CNTNAP2: variants seen among roughly 807,000 people sequenced by gnomAD.
CNTNAP2 encodes contactin-associated protein-like 2.
A neutral mutation model predicts 155.2 loss-of-function variants in CNTNAP2; 98 were observed. The observed-to-expected ratio is 0.63, with a 90% CI of 0.54 to 0.75. The LOEUF (loss-of-function observed/expected upper bound fraction) is 0.75, where lower values mean the gene tolerates loss of function less well. Ranked by LOEUF, CNTNAP2 falls within the 30% of genes least tolerant of loss-of-function variation. CNTNAP2 has a pLI of 0.00. For synonymous variants in CNTNAP2, 651 were observed against 631.2 expected (o/e 1.03, Z -0.47); for missense variants, 1,727 against 1,688.1 (o/e 1.02, Z -0.40).
chr7:147,841,611 C>T (rs1042374813), intron 13 of CNTNAP2, among the ~76,000 whole-genome samples: 1 of 152,164 alleles, frequency 6.6e-6, no homozygotes, highest in Non-Finnish European at 1.5e-5. Flanking sequence ...TCATGAGGAA[C>T]ACAGGATATT....
intron 1 of CNTNAP2, among the ~76,000 whole-genome samples, chr7:146,203,868 T>C (rs1385040709): frequency 6.6e-6 from 1 of 152,114 alleles, no homozygotes; most frequent in East Asian, 1.9e-4. Flanking sequence ...AATATATATA[T>C]AATATCACAC....
Position 148,062,044 on chromosome 7 carries a change from T to A in CNTNAP2, c.2384-56074T>A, listed in dbSNP as rs1402418950. On this transcript the variant is annotated intron_variant, in intron 15 of 23. Coordinates refer to ENST00000361727, the MANE Select transcript of CNTNAP2 (RefSeq NM_014141.6). ...GAGAGAGAGAGTGTGTGTGTGTGTG[T>A]GTGTGTGTGTGTGTGTGTGTGTGTG... 5.8e-3 allele frequency among the ~76,000 whole-genome samples: 857 copies of A among 148,554 alleles called. 25 individuals are homozygous for A. Among genetic ancestry groups the A allele is most frequent in the African/African-American group, 0.02 (777 of 39,778 alleles).
intron 11 of CNTNAP2, among the ~76,000 whole-genome samples, chr7:147,505,896 A>C (rs1178401844): frequency 1.3e-5 from 2 of 151,986 alleles, no homozygotes; most frequent in Non-Finnish European, 2.9e-5. Flanking sequence ...TCAGAGTCAA[A>C]TGGGTTTGGA....
chr7:147,348,686 C>A (rs1409607806), intron 9 of CNTNAP2, among the ~76,000 whole-genome samples: 5 of 152,014 alleles, frequency 3.3e-5, no homozygotes. Context: ...AAAGAGATAT[C>A]TACACCCCCA....
At chr7:148,109,407 G>T (rs542612798) in intron 15 of CNTNAP2, among the ~76,000 whole-genome samples, 1 of 143,992 alleles carries the variant, frequency 6.9e-6, no homozygotes, top group Non-Finnish European at 1.5e-5. Flanking sequence ...TGTTTGAGAT[G>T]GAGTTTCGCT....
chr7:147,617,049 T>C (rs1801306895), intron 12 of CNTNAP2, among the ~76,000 whole-genome samples: 1 of 152,148 alleles, frequency 6.6e-6, no homozygotes, highest in Non-Finnish European at 1.5e-5. Context: ...TTCTGACTCA[T>C]CCAGATCCTT....
intron 10 of CNTNAP2, among the ~76,000 whole-genome samples, chr7:147,415,351 CA>C (rs774355459): frequency 1.3e-5 from 2 of 152,210 alleles, no homozygotes; most frequent in African/African-American, 2.4e-5. Flanking sequence ...ACCCAAATCT[CA>C]TCTTGAATTG....
At chr7:147,139,898 C>T (rs762885927) in intron 8 of CNTNAP2, among the ~76,000 whole-genome samples, 8 of 152,020 alleles carry the variant, frequency 5.3e-5, no homozygotes, top group Non-Finnish European at 1.2e-4. Flanking sequence ...CTTTGGTAAA[C>T]ATGGTATCAG....
chr7:147,884,286 T>C (rs1371066964), intron 13 of CNTNAP2, among the ~76,000 whole-genome samples: 1 of 152,056 alleles, frequency 6.6e-6, no homozygotes, highest in Non-Finnish European at 1.5e-5. Context: ...TCACAGAAAA[T>C]GGGGCGATGC....
At chr7:147,454,221 A>G (rs1797882602) in intron 10 of CNTNAP2, among the ~76,000 whole-genome samples, 1 of 152,074 alleles carries the variant, frequency 6.6e-6, no homozygotes, top group Non-Finnish European at 1.5e-5. Context: ...CATGCCATAC[A>G]TTTCTAGTTC....
chr7:148,175,791 C>A (rs1794923836), intron 18 of CNTNAP2, among the ~76,000 whole-genome samples: 1 of 152,076 alleles, frequency 6.6e-6, no homozygotes. Context: ...GGGCAGACAG[C>A]CCATACTGTT....
intron 13 of CNTNAP2, among the ~76,000 whole-genome samples, chr7:147,865,611 T>C (rs1740705500): frequency 6.6e-6 from 1 of 152,194 alleles, no homozygotes; most frequent in African/African-American, 2.4e-5. Context: ...CAGAGCCTGT[T>C]ATTGGTCTAT....
At chr7:148,098,734 G>A (rs868257311) in intron 15 of CNTNAP2, among the ~76,000 whole-genome samples, 3 of 152,072 alleles carry the variant, frequency 2.0e-5, no homozygotes, top group Non-Finnish European at 4.4e-5. Flanking sequence ...TGTATTCCAT[G>A]AAGTCCAGAG....
At chr7:146,755,738 T>G (rs1279606373) in intron 1 of CNTNAP2, among the ~76,000 whole-genome samples, 1 of 151,940 alleles carries the variant, frequency 6.6e-6, no homozygotes, top group Admixed American at 6.6e-5. Context: ...AATGTAACAG[T>G]GTGCAGAATG....
chr7:147,913,774 G>C (rs114705264), intron 14 of CNTNAP2, among the ~76,000 whole-genome samples: 1 of 152,104 alleles, frequency 6.6e-6, no homozygotes, highest in East Asian at 1.9e-4. Flanking sequence ...ATCTACAGTG[G>C]AGATGAAAAG....
chr7:147,925,242 C>A (rs577602662), intron 14 of CNTNAP2, among the ~76,000 whole-genome samples: 12 of 151,148 alleles, frequency 7.9e-5, no homozygotes, highest in African/African-American at 2.9e-4. Context: ...CAGCAAAGTA[C>A]CCCCTACCCC....
rs532820418 is a variant in CNTNAP2 at position 146,760,409 on chromosome 7, C to CTTTTTTTT, written c.98-13836_98-13829dup. Among the ~76,000 whole-genome samples, 124 of 56,296 alleles carry CTTTTTTTT rather than the reference C, an allele frequency of 2.2e-3. 23 individuals are homozygous for CTTTTTTTT. The highest frequency in any genetic ancestry group is 8.8e-3 in the African/African-American group (104 of 11,802). 36.9% of individuals were successfully genotyped at this position (56,296 alleles called of 152,430 possible). Reference sequence around the variant, plus strand: ...CACCTCTGTATCATCTCCAATTTACCTTTTTTTTTTTTTTTTTTTTTTTTT... The same window carrying CTTTTTTTT: ...CACCTCTGTATCATCTCCAATTTACCTTTTTTTTTTTTTTTTTTTTTTTTTTTTTTTTT... On this transcript the variant is annotated intron_variant, in intron 1 of 23. Coordinates refer to ENST00000361727, the MANE Select transcript of CNTNAP2 (RefSeq NM_014141.6).
intron 15 of CNTNAP2, among the ~76,000 whole-genome samples, chr7:147,985,407 C>CTTTTTTTTTTT (rs34093586): frequency 1.9e-5 from 2 of 108,068 alleles, no homozygotes; most frequent in Non-Finnish European, 3.4e-5. Context: ...TATGTTTTTA[C>CTTTTTTTTTTT]TTTTTTTTTT....
Position 146,887,780 on chromosome 7 carries a change from T to G in CNTNAP2, c.402+47876T>G, listed in dbSNP as rs117119252. On this transcript the variant is annotated intron_variant, in intron 3 of 23. Coordinates refer to ENST00000361727, the MANE Select transcript of CNTNAP2 (RefSeq NM_014141.6). ...TAAGGTGTTAATGCAAATTTAGCAT[T>G]TTATTCTAGATGAGATTGTATTCAC... Among the ~76,000 whole-genome samples the G allele has an allele frequency of 5.1e-3, 780 of 152,286 alleles. 2 individuals are homozygous for G. The highest frequency in any genetic ancestry group is 7.8e-3 in the Non-Finnish European group (532 of 68,020).
Sources: gnomAD v4.1 joint callset for allele counts (sites outside exome capture counted in the v4.1 genomes callset) on GRCh38, gnomAD v4.1.1 for gene constraint, MANE v1.5 for transcripts, NCBI Gene and HGNC (gene_info 2026-07-23, HGNC 2026-07-21) for gene names.